Variants in TRIM67 observed in about 807,000 individuals in gnomAD.
TRIM67 encodes the protein tripartite motif containing 67.
TRIM67 carries 39 observed loss-of-function variants against 71.0 expected under a neutral mutation model. The ratio of observed to expected loss-of-function variants is 0.55; its 90% CI spans 0.43 to 0.72. The LOEUF (loss-of-function observed/expected upper bound fraction) is 0.72, where lower values mean the gene tolerates loss of function less well. Among genes scored for constraint, TRIM67 ranks in the 30% least tolerant of loss-of-function variants. The pLI is 0.00. For missense variants in TRIM67, 973 were observed against 1,079.2 expected (o/e 0.90, Z 1.38); for synonymous variants, 481 against 473.9 (o/e 1.01, Z -0.19).
At chr1:231,213,541 A>G (rs1307619714) in intron 8 of TRIM67, among the ~76,000 whole-genome samples, 1 of 152,162 alleles carries the variant, frequency 6.6e-6, no homozygotes, top group Non-Finnish European at 1.5e-5. Context: ...AGCCTGGGTA[A>G]CATAGTGAGA....
At chr1:231,164,765 T>A (rs1044503007) in intron 1 of TRIM67, among the ~76,000 whole-genome samples, 1 of 152,122 alleles carries the variant, frequency 6.6e-6, no homozygotes, top group Non-Finnish European at 1.5e-5. Context: ...AATAAAGTAA[T>A]TGGCCAAGGC....
Position 231,163,305 on chromosome 1 carries a change from C to T in TRIM67, c.336C>T (p.Tyr112=), listed in dbSNP as rs1208706192. The change falls in exon 1 of 10, where the codon TAC becomes TAT. Residue 112 remains tyrosine, a synonymous_variant. Transcript: ENST00000366653. ...LSLYSETDSG[Y]GSYTPSLKSP... ...TGTACAGCGAGACAGACAGCGGCTA[C>T]GGGTCCTACACCCCGAGCCTCAAGT... is the stretch of plus-strand genomic sequence containing the variant. The T allele has an allele frequency of 1.3e-6, 2 of 1,518,862 alleles. No homozygotes were observed. The highest frequency in any genetic ancestry group is 1.8e-6 in the Non-Finnish European group (2 of 1,132,368). The allele number at this position is 1,518,862 out of a possible 1,614,324, so 94.1% of individuals were successfully genotyped here. A position where few individuals can be genotyped will look rare whatever the true frequency, so the allele number is the denominator to read the frequency against.
At chr1:231,207,910 G>A (rs558343007) in intron 7 of TRIM67, among the ~76,000 whole-genome samples, 8 of 152,200 alleles carry the variant, frequency 5.3e-5, no homozygotes, top group Non-Finnish European at 1.2e-4. Flanking sequence ...CTGCAAAATG[G>A]AGAATTGAGC....
rs1057231180 is a variant in TRIM67 at position 231,220,343 on chromosome 1, C to G, written c.*4903C>G. 2.1e-4 allele frequency: 42 copies of G among 196,334 alleles called. No homozygotes were observed. Among genetic ancestry groups the G allele is most frequent in the African/African-American group, 8.9e-4 (38 of 42,654 alleles). The allele number at this position is 196,334 out of a possible 1,614,324, so 12.2% of individuals were successfully genotyped here. A position where few individuals can be genotyped will look rare whatever the true frequency, so the allele number is the denominator to read the frequency against. ...CGGCGAGGCCTGTTTGAATGGCGCT[C>G]TGTGTGAGTGCTATGAACAGGCTAC... On this transcript the variant is annotated 3_prime_UTR_variant, in exon 10 of 10. Transcript: ENST00000366653.
At chr1:231,204,993 T>C (rs936988578) in intron 6 of TRIM67, among the ~76,000 whole-genome samples, 3 of 152,156 alleles carry the variant, frequency 2.0e-5, no homozygotes, top group African/African-American at 7.2e-5. Flanking sequence ...TTGAGCCGGG[T>C]CACTGAGTGC....
In TRIM67 at chr1:231,209,272, C is replaced by T. The variant is rs1465019783; in HGVS notation, c.2123+22C>T. On this transcript the variant is annotated intron_variant, in intron 8 of 9. Coordinates refer to ENST00000366653, the MANE Select transcript of TRIM67 (RefSeq NM_001004342.5). The surrounding 1 kb of genome is among the most constrained non-coding windows in gnomAD (Gnocchi z 4.1). ...ACAGGTGCGATTGGGCCCCATCCTG[C>T]CTCCCGTGGACACAGGTTGTTTGGG... 1.3e-6 allele frequency: 2 copies of T among 1,519,456 alleles called. No homozygotes were observed. Among genetic ancestry groups the T allele is most frequent in the Admixed American group, 2.0e-5 (1 of 49,850 alleles). The allele number at this position is 1,519,456 out of a possible 1,614,324, so 94.1% of individuals were successfully genotyped here.
At chr1:231,189,555 C>G (rs1683179121) in intron 1 of TRIM67, among the ~76,000 whole-genome samples, 1 of 152,106 alleles carries the variant, frequency 6.6e-6, no homozygotes, top group South Asian at 2.1e-4. Flanking sequence ...ATACCATAGA[C>G]AGGGGGGTTG....
intron 1 of TRIM67, among the ~76,000 whole-genome samples, chr1:231,173,359 T>C (rs59753673): frequency 0.055 from 8,302 of 152,208 alleles, 730 homozygotes; most frequent in African/African-American, 0.18. Context: ...CCAGCCAGGG[T>C]AACATAACGA....
intron 1 of TRIM67, among the ~76,000 whole-genome samples, chr1:231,192,957 C>T (rs1683272552): frequency 6.6e-6 from 1 of 152,170 alleles, no homozygotes; most frequent in Non-Finnish European, 1.5e-5. Context: ...TGCCAAGCTC[C>T]TTGGTCTTCT....
At chr1:231,192,371 G>A (rs767687623) in intron 1 of TRIM67, among the ~76,000 whole-genome samples, 20 of 152,090 alleles carry the variant, frequency 1.3e-4, no homozygotes, top group South Asian at 8.3e-4. Flanking sequence ...CAGTCTGGTC[G>A]TACTCATTAT....
intron 1 of TRIM67, among the ~76,000 whole-genome samples, chr1:231,193,640 A>G (rs1352532650): frequency 6.6e-6 from 1 of 151,742 alleles, no homozygotes; most frequent in Non-Finnish European, 1.5e-5. Context: ...ATTTATAAAG[A>G]AAGGTGGTTT....
intron 5 of TRIM67, among the ~76,000 whole-genome samples, chr1:231,203,522 A>G (rs1683609695): frequency 6.6e-6 from 1 of 152,008 alleles, no homozygotes; most frequent in Non-Finnish European, 1.5e-5. Flanking sequence ...GTTCCTCATG[A>G]GTCTGAGTCA....
At chr1:231,208,737 G>A (rs552085143) in intron 7 of TRIM67, among the ~76,000 whole-genome samples, 1 of 152,294 alleles carries the variant, frequency 6.6e-6, no homozygotes, top group Non-Finnish European at 1.5e-5. Context: ...CGTAGGGCTG[G>A]CAACTTGGAT....
rs528342614 is a variant in TRIM67, at chr1:231,168,835, G to A, written c.1044+4822G>A. On this transcript the variant is annotated intron_variant, in intron 1 of 9. Coordinates refer to ENST00000366653, the MANE Select transcript of TRIM67 (RefSeq NM_001004342.5). ...TGGGGGCCCACCTAAGGCATTTTTG[G>A]GTAGGGTTGGATGGGCAAAAAGAGT... is the stretch of plus-strand genomic sequence containing the variant. Among the ~76,000 whole-genome samples, 5 of 152,278 alleles carry A rather than the reference G, an allele frequency of 3.3e-5. No homozygotes were observed. In the East Asian group the frequency reaches 9.7e-4, roughly 29 times the overall value.
rs558650055 is a variant in TRIM67, at chr1:231,164,638, G to T, written c.1044+625G>T. 9.2e-5 allele frequency among the ~76,000 whole-genome samples: 14 copies of T among 152,286 alleles called. No homozygotes were observed. In the East Asian group the frequency reaches 2.7e-3, roughly 29 times the overall value. On this transcript the variant is annotated intron_variant, in intron 1 of 9. Transcript: ENST00000366653. ...AATCTTGTGGGAAGGACCCCTAACC[G>T]CCTCTGGAACTTCAGACACCAATTA...
intron 1 of TRIM67, 92 bp from the exon 2 acceptor site, chr1:231,197,279 C>G: frequency 9.8e-7 from 1 of 1,024,124 alleles, no homozygotes; most frequent in Non-Finnish European, 1.5e-6. Flanking sequence ...AGTCCTATCC[C>G]CTCTTATAAA....
In TRIM67 at chr1:231,166,049, T is replaced by TTGG. The variant is rs372621000; in HGVS notation, c.1044+2039_1044+2041dup. ...GGAAAAATCATTGGTCATCCCTGGCTTGGTGTCAACAGCAGTTTTATAAAA... is the reference window on the plus strand; with the variant it reads ...GGAAAAATCATTGGTCATCCCTGGCTTGGTGGTGTCAACAGCAGTTTTATAAAA... On this transcript the variant is annotated intron_variant, in intron 1 of 9. Transcript: ENST00000366653. Among the ~76,000 whole-genome samples, 71 of 152,338 alleles carry TTGG rather than the reference T, an allele frequency of 4.7e-4. 1 individual carries two copies. The highest frequency in any genetic ancestry group is 1.7e-3 in the African/African-American group (69 of 41,564).
chr1:231,205,485 G>A (rs995636334), intron 6 of TRIM67, among the ~76,000 whole-genome samples: 1 of 152,142 alleles, frequency 6.6e-6, no homozygotes, highest in Non-Finnish European at 1.5e-5. Flanking sequence ...CAGCACTTTG[G>A]GAGGCCAAGG....
At chr1:231,191,831 T>C (rs1398932261) in intron 1 of TRIM67, among the ~76,000 whole-genome samples, 1 of 152,148 alleles carries the variant, frequency 6.6e-6, no homozygotes, top group Non-Finnish European at 1.5e-5. Context: ...CTCAGGGAGC[T>C]AGTCAGACAA....
Sources: allele counts gnomAD v4.1 joint callset (sites outside exome capture counted in the v4.1 genomes callset), GRCh38; gene constraint gnomAD v4.1.1; non-coding constraint Gnocchi (gnomAD v3.1); transcripts MANE v1.5; gene names NCBI Gene and HGNC (gene_info 2026-07-23, HGNC 2026-07-21).